STOX2: variants seen among roughly 807,000 people sequenced by gnomAD.
STOX2 encodes storkhead-box protein 2.
Under a neutral mutation model 60.9 loss-of-function variants are expected in STOX2, and 28 were observed. The ratio of observed to expected loss-of-function variants is 0.46; its 90% CI spans 0.34 to 0.63. The LOEUF (loss-of-function observed/expected upper bound fraction) is 0.63, where lower values mean the gene tolerates loss of function less well. Ranked by LOEUF, STOX2 falls within the 30% of genes least tolerant of loss-of-function variation. STOX2 has a pLI of 0.01. For synonymous variants in STOX2, 472 were observed against 463.9 expected (o/e 1.02, Z -0.22); for missense variants, 1,024 against 1,187.7 (o/e 0.86, Z 2.03).
At chr4:183,833,634 GTTT>G (rs112301632) in intron 1 of STOX2, among the ~76,000 whole-genome samples, 1,526 of 142,210 alleles carry the variant, frequency 0.011, 33 homozygotes, top group Admixed American at 0.055. Flanking sequence ...TTCTGCAGGA[GTTT>G]TTTTTTTTTT....
chr4:183,932,425 A>AC (rs1742463390), intron 1 of STOX2, among the ~76,000 whole-genome samples: 2 of 89,102 alleles, frequency 2.2e-5, no homozygotes, highest in Non-Finnish European at 4.2e-5. Context: ...CATACAGTAT[A>AC]TGTATGTATA....
intron 1 of STOX2, among the ~76,000 whole-genome samples, chr4:183,869,066 A>G (rs978898531): frequency 2.6e-5 from 4 of 152,244 alleles, no homozygotes; most frequent in African/African-American, 4.8e-5. Context: ...GAAACTTTAA[A>G]TAATAAACAC....
intron 1 of STOX2, among the ~76,000 whole-genome samples, chr4:183,841,695 A>G (rs1225782710): frequency 2.0e-5 from 3 of 152,254 alleles, no homozygotes; most frequent in Non-Finnish European, 4.4e-5. Context: ...ACAGAAAAAA[A>G]TACACAGCTT....
intron 1 of STOX2, among the ~76,000 whole-genome samples, chr4:183,944,837 G>A (rs769075857): frequency 1.3e-5 from 2 of 152,202 alleles, no homozygotes; most frequent in Non-Finnish European, 2.9e-5. Flanking sequence ...TGGCAAATAT[G>A]AGGCTTCTGT....
At chr4:183,984,913 T>C (rs1359972315) in intron 1 of STOX2, among the ~76,000 whole-genome samples, 2 of 152,156 alleles carry the variant, frequency 1.3e-5, no homozygotes, top group East Asian at 3.9e-4. Context: ...CATCTTGCCA[T>C]CAGACGCCGA....
chr4:183,852,961 G>T (rs1740195224), intron 1 of STOX2, among the ~76,000 whole-genome samples: 1 of 152,140 alleles, frequency 6.6e-6, no homozygotes, highest in Non-Finnish European at 1.5e-5. Flanking sequence ...CTCCAGATAA[G>T]GTAGGCAAGT....
At chr4:183,946,299 C>T (rs917328258) in intron 1 of STOX2, among the ~76,000 whole-genome samples, 3 of 152,182 alleles carry the variant, frequency 2.0e-5, no homozygotes, top group Non-Finnish European at 4.4e-5. Flanking sequence ...TTTCCTCACT[C>T]GCACAGTGAC....
chr4:183,864,734 A>T (rs1740526121), intron 1 of STOX2, among the ~76,000 whole-genome samples: 1 of 152,174 alleles, frequency 6.6e-6, no homozygotes. Context: ...CTTGTAGATA[A>T]CAATCCAAAT....
rs1226221100 is a variant in STOX2, at chr4:183,995,707, T to C, written c.167-5618T>C. ...AAGCATATCATGTGATTTGTCTGTA[T>C]GAAAACAGGGGCAGTGCCTCGTCAC... On this transcript the variant is annotated intron_variant, in intron 1 of 3. Coordinates refer to ENST00000308497, the MANE Select transcript of STOX2 (RefSeq NM_020225.3). Among the ~76,000 whole-genome samples the C allele has an allele frequency of 3.3e-5, 5 of 152,364 alleles. No individual in the cohort carries two copies. In the East Asian group the frequency reaches 9.6e-4, roughly 29 times the overall value.
intron 1 of STOX2, among the ~76,000 whole-genome samples, chr4:183,866,506 A>G (rs1357655530): frequency 6.6e-6 from 1 of 152,148 alleles, no homozygotes; most frequent in Non-Finnish European, 1.5e-5. Flanking sequence ...ATTTTGCCTG[A>G]TTTATGAAGA....
chr4:183,858,849 CT>C (rs1255094955), intron 1 of STOX2, among the ~76,000 whole-genome samples: 3 of 152,180 alleles, frequency 2.0e-5, no homozygotes, highest in South Asian at 2.1e-4. Flanking sequence ...AAATATAATA[CT>C]TTTTTTTCAT....
At chr4:183,924,011 C>T (rs1055779275) in intron 1 of STOX2, among the ~76,000 whole-genome samples, 2 of 152,142 alleles carry the variant, frequency 1.3e-5, no homozygotes, top group African/African-American at 2.4e-5. Flanking sequence ...AGCCTCATTC[C>T]AAAGTATTTG....
chr4:184,009,917 G>C lies in STOX2; in HGVS notation c.1079G>C (p.Ser360Thr). Residue 360 changes from serine to threonine, a missense_variant, in exon 3 of 4, where the codon AGT becomes ACT. Transcript: ENST00000308497. The surrounding 1 kb of genome is among the most constrained non-coding windows in gnomAD (Gnocchi z 4.0). ...CATCACAGCGGAAGGAGTAAAAAGA[G>C]TAGGACTCATCGGAAGTCCCATGGA... The part of the protein sequence containing the change: ...SAHHSGRSKK[S>T]RTHRKSHGKS... 1 of 1,612,930 alleles carries C rather than the reference G, an allele frequency of 6.2e-7. No individual in the cohort carries two copies. The highest frequency in any genetic ancestry group is 8.5e-7 in the Non-Finnish European group (1 of 1,179,406).
intron 2 of STOX2, among the ~76,000 whole-genome samples, chr4:184,007,246 A>G (rs1483490852): frequency 6.6e-6 from 1 of 152,106 alleles, no homozygotes; most frequent in Non-Finnish European, 1.5e-5. Flanking sequence ...ATGGGTGTGT[A>G]TGTTACCGCG....
At chr4:183,897,993 T>C (rs1296234064) in intron 1 of STOX2, among the ~76,000 whole-genome samples, 1 of 152,242 alleles carries the variant, frequency 6.6e-6, no homozygotes. Flanking sequence ...AAAAGCTTAT[T>C]TTGAAGTAAG....
Position 183,951,224 on chromosome 4 carries a change from GA to G in STOX2, c.166+44282del, listed in dbSNP as rs70959161. 8.1e-4 allele frequency among the ~76,000 whole-genome samples: 102 copies of G among 125,156 alleles called. 1 individual carries two copies. The highest frequency in any genetic ancestry group is 1.3e-3 in the East Asian group (5 of 3,734). 82.1% of individuals were successfully genotyped at this position (125,156 alleles called of 152,430 possible). A position where few individuals can be genotyped will look rare whatever the true frequency, so the allele number is the denominator to read the frequency against. Reference sequence around the variant, plus strand: ...AGCGAGACTCCGTCTCAAAAAAAAAGAAAAAAAAAAAAAAGACAGTAGTGCA... The same window carrying G: ...AGCGAGACTCCGTCTCAAAAAAAAAGAAAAAAAAAAAAAGACAGTAGTGCA... On this transcript the variant is annotated intron_variant, in intron 1 of 3. Coordinates refer to ENST00000308497, the MANE Select transcript of STOX2 (RefSeq NM_020225.3).
intron 1 of STOX2, chr4:183,853,681 A>G (rs1341165345): frequency 6.6e-6 from 1 of 152,258 alleles, no homozygotes; most frequent in East Asian, 1.9e-4. Flanking sequence ...AGTTTCACTT[A>G]ACATGCGGTA....
chr4:184,009,300 C>A lies in STOX2; in HGVS notation c.462C>A (p.Asn154Lys), dbSNP rs1734028738. ...TAACTCCTTCCCTCATAAGAACTAA[C>A]AGTAAATGGTACCATTTGGACGAGA... ...YFITPSLIRT[N>K]SKWYHLDERI... Residue 154 changes from asparagine (N) to lysine (K), a missense_variant, in exon 3 of 4, where the codon AAC becomes AAA. Around this residue, in one of 3 missense-constraint regions of STOX2, gnomAD observed 922 missense variants for 1,058.3 expected, o/e 0.87. Coordinates refer to ENST00000308497, the MANE Select transcript of STOX2 (RefSeq NM_020225.3). The surrounding 1 kb of genome is among the most constrained non-coding windows in gnomAD (Gnocchi z 4.0). 6.2e-7 allele frequency: 1 copy of A among 1,613,852 alleles called. No homozygotes were observed. The highest frequency in any genetic ancestry group is 1.1e-5 in the South Asian group (1 of 91,092).
In STOX2 at chr4:183,839,204, G is replaced by T. The variant is rs74628673; in HGVS notation, c.364+41149G>T. Among the ~76,000 whole-genome samples the T allele has an allele frequency of 8.2e-4, 124 of 152,134 alleles. No individual in the cohort carries two copies. The East Asian group carries it at 0.017, about 21-fold the overall frequency. Reference sequence around the variant, plus strand: ...CTCTTAAGGCCTTTGATTGGACGAGGGTCACCCATATCATGGAAGGTAATT... The same window carrying T: ...CTCTTAAGGCCTTTGATTGGACGAGTGTCACCCATATCATGGAAGGTAATT... On this transcript the variant is annotated intron_variant, in intron 1 of 2. Coordinates refer to the STOX2 transcript ENST00000513034.
Sources: allele counts gnomAD v4.1 joint callset (sites outside exome capture counted in the v4.1 genomes callset), GRCh38; gene constraint gnomAD v4.1.1; regional missense constraint gnomAD v4.1.1; non-coding constraint Gnocchi (gnomAD v3.1); transcripts MANE v1.5; gene names NCBI Gene and HGNC (gene_info 2026-07-23, HGNC 2026-07-21).